REXO5: variants seen among roughly 807,000 people sequenced by gnomAD.
REXO5 encodes RNA exonuclease 5, also known as exonuclease NEF-sp.
A neutral mutation model predicts 88.5 loss-of-function variants in REXO5; 48 were observed. The ratio of observed to expected loss-of-function variants is 0.54; its 90% CI spans 0.43 to 0.69. The LOEUF (loss-of-function observed/expected upper bound fraction) is 0.69. Among genes scored for constraint, REXO5 ranks in the 30% least tolerant of loss-of-function variants. The probability of loss-of-function intolerance (pLI) is 0.00; values close to 1 mark genes in which losing one functional copy is unlikely to be tolerated. For missense variants in REXO5, 749 were observed against 912.2 expected (o/e 0.82, Z 2.30); for synonymous variants, 311 against 336.5 (o/e 0.92, Z 0.83).
In REXO5 at chr16:20,837,768, CTTTTGT is replaced by C. The variant is rs559604210; in HGVS notation, c.1384-1975_1384-1970del. ...CTTCGATTCTCACTTTATGTCTTGG[CTTTTGT>C]TTTTGTTTTTGAGACAGGGTCTTGC... is the stretch of plus-strand genomic sequence containing the variant. On this transcript the variant is annotated intron_variant, in intron 13 of 19. Coordinates refer to ENST00000261377, the MANE Select transcript of REXO5 (RefSeq NM_030941.3). Among the ~76,000 whole-genome samples the C allele has an allele frequency of 1.4e-3, 205 of 151,766 alleles. 1 individual carries two copies. Among genetic ancestry groups the C allele is most frequent in the African/African-American group, 4.8e-3 (197 of 41,380 alleles).
At position 20,839,783 on chromosome 16, in the gene REXO5, C is replaced by G; in HGVS notation, c.1412C>G (p.Pro471Arg). The change falls in exon 14 of 20, where the codon CCC becomes CGC. Residue 471 changes from proline (P) to arginine (R), a missense_variant. Transcript: ENST00000261377. ...EVLEQARVEIPLFPFSIVQFS... is the reference protein window; with the variant it reads ...EVLEQARVEIRLFPFSIVQFS... ...CTTGAGCAGGCCAGAGTGGAAATCC[C>G]CCTGTTTCCCTTCAGCATTGTTCAG... The G allele has an allele frequency of 1.2e-6, 2 of 1,613,854 alleles. No individual in the cohort carries two copies. The highest frequency in any genetic ancestry group is 1.7e-6 in the Non-Finnish European group (2 of 1,179,822).
rs1420148541 is a variant in REXO5, at chr16:20,821,803, G to A, written c.517G>A (p.Asp173Asn). Reference protein sequence around the residue: ...SNAKAAINLQDDPIIQKYGSK... With the variant: ...SNAKAAINLQNDPIIQKYGSK... ...TGCAAAAGCCGCCATCAACCTTCAG[G>A]ATGATCCCATCATTCAAAAGTATGG... Residue 173 changes from aspartate (D) to asparagine (N), a missense_variant, in exon 6 of 20, where the codon GAT becomes AAT. Asp to Asn is a conservative substitution (Grantham distance 23, BLOSUM62 1). Coordinates refer to ENST00000261377, the MANE Select transcript of REXO5 (RefSeq NM_030941.3). 2 of 1,606,230 alleles carry A rather than the reference G, an allele frequency of 1.2e-6. No individual in the cohort carries two copies. Among genetic ancestry groups the A allele is most frequent in the Non-Finnish European group, 1.7e-6 (2 of 1,177,848 alleles).
intron 19 of REXO5, among the ~76,000 whole-genome samples, chr16:20,848,086 A>G (rs2081637918): frequency 6.6e-6 from 1 of 152,202 alleles, no homozygotes; most frequent in Non-Finnish European, 1.5e-5. Flanking sequence ...CCTATCCTTT[A>G]AAAGTCACAT....
upstream of REXO5, chr16:20,806,514 C>T (rs968087798): frequency 3.2e-6 from 5 of 1,540,206 alleles, no homozygotes; most frequent in East Asian, 9.8e-5. Flanking sequence ...GCCCGCGAGG[C>T]TGAGGGGCGG....
Position 20,846,313 on chromosome 16 carries a change from C to T in REXO5, c.2217C>T (p.Cys739=), listed in dbSNP as rs1360577575. 1.2e-6 allele frequency: 2 copies of T among 1,613,764 alleles called. No individual in the cohort carries two copies. Among genetic ancestry groups the T allele is most frequent in the Non-Finnish European group, 1.7e-6 (2 of 1,179,826 alleles). Residue 739 remains cysteine (C), a synonymous_variant, in exon 19 of 20, where the codon TGC becomes TGT. Coordinates refer to ENST00000261377, the MANE Select transcript of REXO5 (RefSeq NM_030941.3). ...ACAGCTTGTGCCCGGGCACTCTCTG[C>T]CTCATCCTGCTGCCAGGAACCAAGA... is the stretch of plus-strand genomic sequence containing the variant. ...LYNSLCPGTL[C]LILLPGTKST...
At chr16:20,843,534 T>A (rs920763724) in intron 15 of REXO5, among the ~76,000 whole-genome samples, 10 of 152,188 alleles carry the variant, frequency 6.6e-5, no homozygotes, top group Non-Finnish European at 1.5e-4. Flanking sequence ...ATTTAGTTAC[T>A]CCGAGTTAAC....
rs2152497158 is a variant in REXO5, at chr16:20,806,536, A to G, written c.-172A>G. On this transcript the variant is annotated 5_prime_UTR_variant, in exon 1 of 20. Transcript: ENST00000261377. Reference sequence around the variant, plus strand: ...AGGCTGAGGGGCGGTTGTTGTTGGCAGCTGTGGCTAAGGAGGGGAGAACCT... The same window carrying G: ...AGGCTGAGGGGCGGTTGTTGTTGGCGGCTGTGGCTAAGGAGGGGAGAACCT... 6.5e-7 allele frequency: 1 copy of G among 1,528,012 alleles called. No homozygotes were observed. Among genetic ancestry groups the G allele is most frequent in the Non-Finnish European group, 8.8e-7 (1 of 1,139,062 alleles). 94.7% of individuals were successfully genotyped at this position (1,528,012 alleles called of 1,614,324 possible).
chr16:20,826,939 G>A (rs2081267714), intron 8 of REXO5, 119 bp from the exon 9 acceptor site: 2 of 936,820 alleles, frequency 2.1e-6, no homozygotes, highest in Non-Finnish European at 3.0e-6. Context: ...TTGTCACTTT[G>A]GACACTAAGC....
At chr16:20,813,334 C>A in intron 3 of REXO5, 32 bp downstream of exon 3, 3 of 1,107,682 alleles carry the variant, frequency 2.7e-6, no homozygotes, top group South Asian at 1.4e-5. Context: ...TGGGTATTGA[C>A]CAGCGGTTTC....
chr16:20,840,516 T>C (rs2081510242), intron 15 of REXO5, 48 bp downstream of exon 15: 1 of 1,470,698 alleles, frequency 6.8e-7, no homozygotes, highest in African/African-American at 1.4e-5. Flanking sequence ...GTGTTAGACA[T>C]TCAGGTGACT....
At chr16:20,816,319 A>G in intron 5 of REXO5, 107 bp downstream of exon 5, 1 of 900,706 alleles carries the variant, frequency 1.1e-6, no homozygotes. Context: ...CTTAAGCACA[A>G]AAACAATTTT....
Position 20,827,075 on chromosome 16 carries a change from A to C in REXO5, c.839A>C (p.Lys280Thr). The C allele has an allele frequency of 6.2e-7, 1 of 1,614,048 alleles. No individual in the cohort carries two copies. The part of the protein sequence containing the change: ...DYLTSFSGIT[K>T]KILNPVTTKL... ...AATGAAAGCTTTTCGGGAATCACGA[A>C]GAAGATTCTTAACCCAGTGACGACC... The change falls in exon 9 of 20, where the codon AAG becomes ACG. Residue 280 changes from lysine to threonine, a missense_variant. Lys to Thr is a moderately conservative substitution (Grantham distance 78). Coordinates refer to ENST00000261377, the MANE Select transcript of REXO5 (RefSeq NM_030941.3).
intron 5 of REXO5, 97 bp downstream of exon 5, chr16:20,816,309 C>T (rs930865707): frequency 4.2e-5 from 43 of 1,032,114 alleles, no homozygotes; most frequent in Non-Finnish European, 5.6e-5. Context: ...TTCTAACTAG[C>T]TTAAGCACAA....
At position 20,845,142 on chromosome 16, in the gene REXO5, C is replaced by A. The variant is rs926822479; in HGVS notation, c.2025C>A (p.Pro675=). The A allele has an allele frequency of 1.2e-6, 2 of 1,614,044 alleles. No individual in the cohort carries two copies. The highest frequency in any genetic ancestry group is 3.3e-5 in the Admixed American group (2 of 59,980). The change falls in exon 18 of 20, where the codon CCC becomes CCA. Residue 675 remains proline, a synonymous_variant. Transcript: ENST00000261377. ...WKLKGRHALT[P]RHLHAWLRGL... ...TGAAAGGCAGGCATGCCCTAACCCC[C>A]AGGCACCTCCATGCCTGGCTCAGAG...
chr16:20,826,303 T>A, intron 8 of REXO5, among the ~76,000 whole-genome samples: 1 of 150,526 alleles, frequency 6.6e-6, no homozygotes, highest in East Asian at 2.0e-4. Context: ...AGTCAAGTGA[T>A]GTTAGAGCTT....
chr16:20,839,440 A>C (rs2081491155), intron 13 of REXO5, among the ~76,000 whole-genome samples: 1 of 151,882 alleles, frequency 6.6e-6, no homozygotes, highest in Non-Finnish European at 1.5e-5. Flanking sequence ...GGCTTGCAGC[A>C]GTTTACAATA....
intron 7 of REXO5, 29 bp from the exon 8 acceptor site, chr16:20,825,804 A>T (rs1471615560): frequency 6.7e-7 from 1 of 1,493,238 alleles, no homozygotes; most frequent in South Asian, 1.1e-5. Context: ...TCCACAGTTC[A>T]GCAGCCTGAC....
chr16:20,828,066 T>C (rs1292416474), intron 10 of REXO5, among the ~76,000 whole-genome samples: 1 of 152,194 alleles, frequency 6.6e-6, no homozygotes, highest in African/African-American at 2.4e-5. Context: ...TAAGTATGTA[T>C]AGACACTTAT....
At chr16:20,837,668 G>A (rs547072836) in intron 13 of REXO5, among the ~76,000 whole-genome samples, 7 of 151,652 alleles carry the variant, frequency 4.6e-5, no homozygotes, top group East Asian at 1.9e-4. Flanking sequence ...AGTTTAGACC[G>A]TAATGTTAAC....
Sources: gnomAD v4.1 joint callset for allele counts (sites outside exome capture counted in the v4.1 genomes callset) on GRCh38, gnomAD v4.1.1 for gene constraint, MANE v1.5 for transcripts, NCBI Gene and HGNC (gene_info 2026-07-23, HGNC 2026-07-21) for gene names.